Variants in SLC4A7 observed in about 807,000 individuals in gnomAD.
SLC4A7 encodes sodium bicarbonate cotransporter 3.
A neutral mutation model predicts 137.6 loss-of-function variants in SLC4A7; 51 were observed. The observed-to-expected ratio is 0.37, with a 90% CI of 0.30 to 0.47. The LOEUF (loss-of-function observed/expected upper bound fraction) is 0.47, where lower values mean the gene tolerates loss of function less well. SLC4A7 is among the 20% of genes least tolerant of loss of function. SLC4A7 has a pLI of 1.00. For missense variants in SLC4A7, 1,247 were observed against 1,525.4 expected (o/e 0.82, Z 3.04); for synonymous variants, 542 against 518.6 (o/e 1.05, Z -0.61).
At chr3:27,430,308 C>A (rs1312402976) in intron 7 of SLC4A7, among the ~76,000 whole-genome samples, 2 of 151,860 alleles carry the variant, frequency 1.3e-5, no homozygotes, top group African/African-American at 2.4e-5. Flanking sequence ...CATGCACACA[C>A]ACACACACAC....
At chr3:27,479,933 T>A (rs891421652) in intron 1 of SLC4A7, among the ~76,000 whole-genome samples, 2 of 152,196 alleles carry the variant, frequency 1.3e-5, no homozygotes, top group African/African-American at 2.4e-5. Context: ...AAGATCATAT[T>A]TGTGGTAAGA....
intron 8 of SLC4A7, among the ~76,000 whole-genome samples, chr3:27,423,490 T>C (rs983039446): frequency 2.0e-5 from 3 of 152,206 alleles, no homozygotes; most frequent in African/African-American, 7.2e-5. Flanking sequence ...AAAATACTCA[T>C]TTACCAAAAT....
chr3:27,461,981 G>A (rs1416891870), intron 1 of SLC4A7, among the ~76,000 whole-genome samples: 1 of 151,872 alleles, frequency 6.6e-6, no homozygotes, highest in Non-Finnish European at 1.5e-5. Context: ...GATGAACCAA[G>A]TAATTCCCTT....
intron 1 of SLC4A7, among the ~76,000 whole-genome samples, chr3:27,465,076 T>G (rs965081501): frequency 2.6e-5 from 4 of 151,976 alleles, no homozygotes; most frequent in African/African-American, 9.7e-5. Flanking sequence ...GGTGGGCGGA[T>G]TGCCTGAGCT....
At chr3:27,385,769 T>C (rs1462897238) in intron 23 of SLC4A7, 123 bp downstream of exon 23, 2 of 679,996 alleles carry the variant, frequency 2.9e-6, no homozygotes, top group African/African-American at 3.7e-5. Context: ...TACTACACTT[T>C]TATAAAGTTC....
At position 27,468,536 on chromosome 3, in the gene SLC4A7, T is replaced by C. The variant is rs573343300; in HGVS notation, c.60+15531A>G. Among the ~76,000 whole-genome samples the C allele has an allele frequency of 4.4e-4, 67 of 152,104 alleles. No individual in the cohort carries two copies. The East Asian group carries it at 8.3e-3, about 19-fold the overall frequency. On this transcript the variant is annotated intron_variant, in intron 1 of 25. Coordinates refer to ENST00000454389, the MANE Select transcript of SLC4A7 (RefSeq NM_001321103.2). ...ACTGTGCTATGAAGCCACCTGTTAA[T>C]AGCCACTGCACTCCAGCCTGGGCAA...
intron 1 of SLC4A7, among the ~76,000 whole-genome samples, chr3:27,467,517 G>A (rs1043926453): frequency 1.3e-5 from 2 of 152,094 alleles, no homozygotes; most frequent in Non-Finnish European, 2.9e-5. Context: ...CAAACATGAA[G>A]GTTTTAATTT....
At chr3:27,402,367 AAC>A (rs1247182395) in intron 15 of SLC4A7, among the ~76,000 whole-genome samples, 3 of 152,178 alleles carry the variant, frequency 2.0e-5, no homozygotes, top group Non-Finnish European at 4.4e-5. Context: ...TCAAAACGAA[AAC>A]ACATATTGAA....
chr3:27,394,536 G>A lies in SLC4A7; in HGVS notation c.3099C>T (p.Phe1033=). 6.2e-7 allele frequency: 1 copy of A among 1,613,906 alleles called. No individual in the cohort carries two copies. Among genetic ancestry groups the A allele is most frequent in the South Asian group, 1.1e-5 (1 of 91,036 alleles). The change falls in exon 20 of 26, where the codon TTC becomes TTT. Residue 1033 remains phenylalanine (F), a synonymous_variant. Coordinates refer to ENST00000454389, the MANE Select transcript of SLC4A7 (RefSeq NM_001321103.2). ...MIFILMGLSV[F]MTSVLKFIPM... ...ATTTTACCTTTAGGACTGAAGTCATGAACACAGAGAGGCCCATTAGAATAA... is the reference window on the plus strand; with the variant it reads ...ATTTTACCTTTAGGACTGAAGTCATAAACACAGAGAGGCCCATTAGAATAA...
chr3:27,442,466 G>A (rs1314927511), intron 3 of SLC4A7, among the ~76,000 whole-genome samples: 4 of 145,904 alleles, frequency 2.7e-5, no homozygotes, highest in Admixed American at 6.9e-5. Flanking sequence ...TTGAGACAGC[G>A]TCTCACTCCC....
intron 22 of SLC4A7, 138 bp downstream of exon 22, chr3:27,389,793 C>T (rs1053473384): frequency 8.1e-6 from 5 of 613,702 alleles, no homozygotes; most frequent in Non-Finnish European, 1.4e-5. Flanking sequence ...TATCTAGTAA[C>T]AGCTAATTCA....
Position 27,424,020 on chromosome 3 carries a change from G to A in SLC4A7, c.1266+17C>T. The A allele has an allele frequency of 7.5e-7, 1 of 1,337,750 alleles. No homozygotes were observed. The highest frequency in any genetic ancestry group is 1.1e-6 in the Non-Finnish European group (1 of 931,632). 82.9% of individuals were successfully genotyped at this position (1,337,750 alleles called of 1,614,324 possible). On this transcript the variant is annotated intron_variant, in intron 8 of 25. Coordinates refer to ENST00000454389, the MANE Select transcript of SLC4A7 (RefSeq NM_001321103.2). ...GTAAGAATAATTATGAGAATTTTCA[G>A]TTAATGATAGAATTACCTTGCTGAA... is the stretch of plus-strand genomic sequence containing the variant.
chr3:27,468,156 T>C lies in SLC4A7; in HGVS notation c.61-15658A>G, dbSNP rs2150683422. On this transcript the variant is annotated intron_variant, in intron 1 of 25. Coordinates refer to ENST00000454389, the MANE Select transcript of SLC4A7 (RefSeq NM_001321103.2). ...GTTGGCCAGGCTGGTCTTGAACTCC[T>C]GACTTCAAGTGATCCGCCCGCCTCG... Among the ~76,000 whole-genome samples the C allele has an allele frequency of 1.3e-5, 2 of 152,298 alleles. 1 individual carries two copies. Among genetic ancestry groups the C allele is most frequent in the South Asian group, 4.1e-4 (2 of 4,826 alleles).
intron 1 of SLC4A7, among the ~76,000 whole-genome samples, chr3:27,469,170 T>C (rs1217677676): frequency 6.6e-6 from 1 of 152,154 alleles, no homozygotes; most frequent in Non-Finnish European, 1.5e-5. Context: ...ACTCAAATCA[T>C]TTTTCCTGTG....
intron 3 of SLC4A7, among the ~76,000 whole-genome samples, chr3:27,448,160 C>T (rs1222214328): frequency 4.2e-5 from 6 of 144,148 alleles, no homozygotes; most frequent in African/African-American, 1.3e-4. Flanking sequence ...TGCAGTGAGC[C>T]GAGATCGTAC....
Position 27,437,379 on chromosome 3 carries a change from C to T in SLC4A7, c.428+9G>A. Reference sequence around the variant, plus strand: ...AAAAAAAAAAGAGAGAGAGACTTAGCAGTATTACCTAGCAGTTTCTTTCCA... The same window carrying T: ...AAAAAAAAAAGAGAGAGAGACTTAGTAGTATTACCTAGCAGTTTCTTTCCA... On this transcript the variant is annotated intron_variant, in intron 4 of 25. Coordinates refer to ENST00000454389, the MANE Select transcript of SLC4A7 (RefSeq NM_001321103.2). The T allele has an allele frequency of 6.5e-7, 1 of 1,543,646 alleles. No individual in the cohort carries two copies.
intron 7 of SLC4A7, among the ~76,000 whole-genome samples, chr3:27,429,049 C>T (rs1192035807): frequency 4.0e-5 from 6 of 151,540 alleles, no homozygotes; most frequent in Non-Finnish European, 5.9e-5. Context: ...AGGCAGATCA[C>T]GAGGTCAAGA....
At chr3:27,402,196 A>C (rs1359992229) in intron 15 of SLC4A7, among the ~76,000 whole-genome samples, 2 of 152,258 alleles carry the variant, frequency 1.3e-5, no homozygotes, top group Non-Finnish European at 2.9e-5. Flanking sequence ...TGACTGCTAA[A>C]GACAGCAAAT....
At chr3:27,482,210 TTAAA>T (rs1406211475) in intron 1 of SLC4A7, among the ~76,000 whole-genome samples, 4 of 152,128 alleles carry the variant, frequency 2.6e-5, no homozygotes, top group Non-Finnish European at 4.4e-5. Context: ...AAATAATAGT[TTAAA>T]TAGCATAAAC....
Sources: allele counts gnomAD v4.1 joint callset (sites outside exome capture counted in the v4.1 genomes callset), GRCh38; gene constraint gnomAD v4.1.1; transcripts MANE v1.5; gene names NCBI Gene and HGNC (gene_info 2026-07-23, HGNC 2026-07-21).